Variants in RGL1 observed in about 807,000 individuals in gnomAD.
The protein encoded by RGL1 is ral guanine nucleotide dissociation stimulator-like 1.
Under a neutral mutation model 95.2 loss-of-function variants are expected in RGL1, and 24 were observed. That is an observed-to-expected ratio of 0.25 (90% CI 0.18 to 0.35). RGL1 has a LOEUF of 0.35. Ranked by LOEUF, RGL1 falls within the 10% of genes least tolerant of loss-of-function variation. The probability of loss-of-function intolerance (pLI) is 1.00; values close to 1 mark genes in which losing one functional copy is unlikely to be tolerated. For missense variants in RGL1, 715 were observed against 936.3 expected (o/e 0.76, Z 3.08); for synonymous variants, 329 against 344.9 (o/e 0.95, Z 0.51).
chr1:183,790,685 G>T (rs956319334), intron 2 of RGL1, among the ~76,000 whole-genome samples: 1 of 152,132 alleles, frequency 6.6e-6, no homozygotes, highest in Non-Finnish European at 1.5e-5. Context: ...TTGGAACAAT[G>T]TTAACTATAT....
chr1:183,886,107 T>C (rs961304754), intron 7 of RGL1, among the ~76,000 whole-genome samples: 4 of 152,164 alleles, frequency 2.6e-5, no homozygotes, highest in Admixed American at 6.5e-5. Context: ...ATATTTTTCC[T>C]TGAGCCCCTA....
At position 183,880,687 on chromosome 1, in the gene RGL1, C is replaced by T. The variant is rs1329861547; in HGVS notation, c.497C>T (p.Pro166Leu). Residue 166 changes from proline (P) to leucine (L), a missense_variant, in exon 5 of 18, where the codon CCT becomes CTT. By Grantham distance (98) the Pro-to-Leu change is moderately conservative (BLOSUM62 -3). Transcript: ENST00000360851. ...AEDFREPPHF[P>L]CLQKLLDYLT... ...GACTTCCGAGAGCCCCCTCACTTCC[C>T]TTGCTTACAGAAACTGCTGGATTAT... 1.9e-6 allele frequency: 3 copies of T among 1,613,854 alleles called. No individual in the cohort carries two copies. Among genetic ancestry groups the T allele is most frequent in the Non-Finnish European group, 2.5e-6 (3 of 1,179,864 alleles).
chr1:183,831,213 A>T (rs57373266), intron 2 of RGL1, among the ~76,000 whole-genome samples: 1 of 152,116 alleles, frequency 6.6e-6, no homozygotes, highest in African/African-American at 2.4e-5. Flanking sequence ...GTACTGCCCA[A>T]TGAAAAGAAG....
At chr1:183,705,074 C>T (rs12096023) in intron 1 of RGL1, among the ~76,000 whole-genome samples, 27,286 of 151,946 alleles carry the variant, frequency 0.18, 3,381 homozygotes, top group African/African-American at 0.35. Context: ...CTGGAGTAGA[C>T]GGAAAGGTTA....
chr1:183,926,075 G>A, intron 17 of RGL1, 30 bp from the exon 18 acceptor site: 1 of 1,598,304 alleles, frequency 6.3e-7, no homozygotes, highest in Non-Finnish European at 8.5e-7. Context: ...TCCACAAGCT[G>A]ACCATCTTAT....
At chr1:183,897,783 C>G in intron 9 of RGL1, 25 bp from the exon 10 acceptor site, 1 of 1,567,968 alleles carries the variant, frequency 6.4e-7, no homozygotes, top group Non-Finnish European at 8.8e-7. Flanking sequence ...TATCAATTCC[C>G]TCTGTGTGCA....
rs1440350103 is a variant in RGL1, at chr1:183,656,050, A to G, written c.-33+19549A>G. On this transcript the variant is annotated intron_variant, in intron 1 of 18. Coordinates refer to the RGL1 transcript ENST00000304685. ...GAGTCACTCATGCTAAATGTGACAT[A>G]AACTAAAATTTTAAGGAAACAGATA... 2.0e-5 allele frequency among the ~76,000 whole-genome samples: 3 copies of G among 152,128 alleles called. No homozygotes were observed. The East Asian group carries it at 5.8e-4, about 29-fold the overall frequency.
At chr1:183,754,486 T>A (rs1051748780) in intron 2 of RGL1, 2 of 152,150 alleles carry the variant, frequency 1.3e-5, no homozygotes, top group African/African-American at 4.8e-5. Flanking sequence ...CTGGTGGGAG[T>A]GCCCCTTTTC....
At chr1:183,893,653 A>G (rs1250613337) in intron 9 of RGL1, among the ~76,000 whole-genome samples, 3 of 152,098 alleles carry the variant, frequency 2.0e-5, no homozygotes, top group African/African-American at 7.2e-5. Flanking sequence ...CCTATGTCCT[A>G]CTTATCCTTC....
At chr1:183,749,096 G>T (rs761631047) in intron 2 of RGL1, among the ~76,000 whole-genome samples, 18 of 152,182 alleles carry the variant, frequency 1.2e-4, no homozygotes, top group Non-Finnish European at 1.8e-4. Context: ...TGTATATTTT[G>T]TTTATTTGGG....
At chr1:183,695,605 G>T (rs1197125127) in intron 1 of RGL1, among the ~76,000 whole-genome samples, 1 of 152,176 alleles carries the variant, frequency 6.6e-6, no homozygotes, top group African/African-American at 2.4e-5. Context: ...TTAAAAGGAA[G>T]TTTAAAATAA....
At chr1:183,913,299 G>T (rs1668771984) in intron 15 of RGL1, among the ~76,000 whole-genome samples, 1 of 147,890 alleles carries the variant, frequency 6.8e-6, no homozygotes, top group South Asian at 2.2e-4. Flanking sequence ...GGGTTCAGGG[G>T]ATTCTCCTGC....
chr1:183,672,171 G>A (rs571860329), intron 1 of RGL1, among the ~76,000 whole-genome samples: 1 of 152,158 alleles, frequency 6.6e-6, no homozygotes, highest in African/African-American at 2.4e-5. Context: ...GACCTTAGGT[G>A]ATCTACCTGC....
At chr1:183,799,104 G>T (rs1385395893) in intron 2 of RGL1, among the ~76,000 whole-genome samples, 1 of 151,208 alleles carries the variant, frequency 6.6e-6, no homozygotes, top group African/African-American at 2.4e-5. Flanking sequence ...GGGTTTCACC[G>T]TGTTAGCCAG....
chr1:183,899,444 C>T (rs1242455464), intron 10 of RGL1, among the ~76,000 whole-genome samples: 1 of 152,172 alleles, frequency 6.6e-6, no homozygotes, highest in East Asian at 1.9e-4. Context: ...GAATGTTCCA[C>T]AGTTTGAGGT....
chr1:183,647,424 G>T, intron 1 of RGL1: 1 of 345,820 alleles, frequency 2.9e-6, no homozygotes, highest in Non-Finnish European at 5.1e-6. Flanking sequence ...TTAGCAAGCT[G>T]CTAATGGTTC....
At chr1:183,800,324 G>A (rs1259500080), upstream of RGL1, among the ~76,000 whole-genome samples, 1 of 152,128 alleles carries the variant, frequency 6.6e-6, no homozygotes, top group Non-Finnish European at 1.5e-5. Flanking sequence ...CTCTATTAAA[G>A]AATCAGCACA....
At chr1:183,647,652 G>T in intron 1 of RGL1, 2 of 1,553,230 alleles carry the variant, frequency 1.3e-6, no homozygotes, top group Non-Finnish European at 1.7e-6. Flanking sequence ...CTTGGTAATT[G>T]GTTTCATGCT....
In RGL1 at chr1:183,913,675, A is replaced by G. The variant is rs117670058; in HGVS notation, c.1749+1407A>G. On this transcript the variant is annotated intron_variant, in intron 15 of 17. Coordinates refer to ENST00000360851, the MANE Select transcript of RGL1 (RefSeq NM_001297671.3). ...AGGTCAGTAAGGTAGAATGTTGGCA[A>G]TGGTTTCATCCCTTGGTTTATATCT... Among the ~76,000 whole-genome samples the G allele has an allele frequency of 9.2e-5, 14 of 152,310 alleles. No homozygotes were observed. The East Asian group carries it at 2.5e-3, about 27-fold the overall frequency.
Sources: gnomAD v4.1 joint callset for allele counts (sites outside exome capture counted in the v4.1 genomes callset) on GRCh38, gnomAD v4.1.1 for gene constraint, MANE v1.5 for transcripts, NCBI Gene and HGNC (gene_info 2026-07-23, HGNC 2026-07-21) for gene names.